Variants in MALRD1 observed in about 807,000 individuals in gnomAD.
MALRD1 encodes MAM and LDL-receptor class A domain-containing protein 1.
MALRD1 carries 247 observed loss-of-function variants against 242.1 expected under a neutral mutation model. The observed-to-expected ratio is 1.02, with a 90% CI of 0.92 to 1.13. The LOEUF (loss-of-function observed/expected upper bound fraction) is 1.13. Among genes scored for constraint, MALRD1 ranks in the 50% most tolerant of loss-of-function variants. MALRD1 has a pLI of 0.00. For missense variants in MALRD1, 2,989 were observed against 2,533.1 expected (o/e 1.18, Z -3.86); for synonymous variants, 995 against 866.6 (o/e 1.15, Z -2.60).
intron 7 of MALRD1, among the ~76,000 whole-genome samples, chr10:19,125,574 C>CATTTTT (rs1837259230): frequency 6.7e-6 from 1 of 149,272 alleles, no homozygotes; most frequent in Admixed American, 6.7e-5. Context: ...AGTATTGTTA[C>CATTTTT]ATTTTTATTT....
chr10:19,195,268 A>G (rs1836187003), intron 14 of MALRD1, among the ~76,000 whole-genome samples: 1 of 152,160 alleles, frequency 6.6e-6, no homozygotes, highest in African/African-American at 2.4e-5. Context: ...TCCTGAAAAC[A>G]TTTTATTCAC....
intron 28 of MALRD1, among the ~76,000 whole-genome samples, chr10:19,436,973 C>G (rs924590986): frequency 3.3e-5 from 5 of 152,088 alleles, no homozygotes; most frequent in African/African-American, 7.2e-5. Context: ...TTTATCATCT[C>G]TATACTTTTG....
At chr10:19,276,662 T>C (rs1358490594) in intron 19 of MALRD1, among the ~76,000 whole-genome samples, 1 of 152,198 alleles carries the variant, frequency 6.6e-6, no homozygotes, top group East Asian at 1.9e-4. Flanking sequence ...GATTCCCTTT[T>C]TAATTTTTTT....
At chr10:19,642,356 T>C (rs1840428365) in intron 36 of MALRD1, among the ~76,000 whole-genome samples, 1 of 152,078 alleles carries the variant, frequency 6.6e-6, no homozygotes, top group Non-Finnish European at 1.5e-5. Context: ...TTGAAACCCA[T>C]TCAGAGGTAC....
chr10:19,643,557 A>G (rs921079164), intron 36 of MALRD1, among the ~76,000 whole-genome samples: 1 of 152,244 alleles, frequency 6.6e-6, no homozygotes, highest in African/African-American at 2.4e-5. Context: ...ACATAATTTT[A>G]TAATAGACGC....
intron 19 of MALRD1, among the ~76,000 whole-genome samples, chr10:19,265,313 T>TG (rs1381855575): frequency 6.7e-6 from 1 of 149,350 alleles, no homozygotes; most frequent in African/African-American, 2.5e-5. Flanking sequence ...GATAGATTGC[T>TG]TATTTGAGTT....
intron 26 of MALRD1, among the ~76,000 whole-genome samples, chr10:19,377,158 C>G (rs1203286457): frequency 6.6e-6 from 1 of 152,166 alleles, no homozygotes; most frequent in Admixed American, 6.5e-5. Context: ...GATGTTCAAG[C>G]ACCTTAATTC....
At chr10:19,532,624 A>C (rs895205730) in intron 32 of MALRD1, among the ~76,000 whole-genome samples, 2 of 152,178 alleles carry the variant, frequency 1.3e-5, no homozygotes, top group Admixed American at 1.3e-4. Context: ...AGAAGTCAGA[A>C]GAGAAACATG....
intron 12 of MALRD1, among the ~76,000 whole-genome samples, chr10:19,156,721 A>C (rs1401294657): frequency 6.6e-6 from 1 of 152,310 alleles, no homozygotes; most frequent in East Asian, 1.9e-4. Context: ...TATGATTTTA[A>C]AAGGTAATCT....
At position 19,729,938 on chromosome 10, in the gene MALRD1, C is replaced by T. The variant is rs191316543; in HGVS notation, c.6315-768C>T. ...ATTTTCAGTAGAGACGGGGTTTCAC[C>T]GTGTTAGCCAGGATGGTCTCGATCT... On this transcript the variant is annotated intron_variant, in intron 38 of 39. Transcript: ENST00000454679. Among the ~76,000 whole-genome samples the T allele has an allele frequency of 2.4e-3, 368 of 151,414 alleles. 10 individuals are homozygous for T. The East Asian group carries it at 0.052, about 21-fold the overall frequency.
intron 2 of MALRD1, 59 bp from the exon 3 acceptor site, chr10:19,087,781 A>C: frequency 5.1e-6 from 4 of 791,346 alleles, no homozygotes; most frequent in East Asian, 3.4e-5. Flanking sequence ...GCTATCAAAT[A>C]GTAGGTCTTA....
intron 29 of MALRD1, among the ~76,000 whole-genome samples, chr10:19,453,204 G>A (rs888455860): frequency 1.3e-5 from 2 of 152,138 alleles, no homozygotes. Flanking sequence ...TGTTCTGCAT[G>A]TGAAATAACT....
At chr10:19,684,574 G>T (rs998988768) in intron 36 of MALRD1, among the ~76,000 whole-genome samples, 6 of 152,076 alleles carry the variant, frequency 3.9e-5, no homozygotes, top group African/African-American at 1.4e-4. Flanking sequence ...TGGTCAACAT[G>T]GCGAAACCCC....
chr10:19,170,715 G>A (rs1254138305), intron 13 of MALRD1, among the ~76,000 whole-genome samples: 1 of 152,034 alleles, frequency 6.6e-6, no homozygotes, highest in East Asian at 1.9e-4. Context: ...AGAGATGCAG[G>A]ATAGTATAAT....
At chr10:19,728,750 T>C (rs947752213) in intron 38 of MALRD1, among the ~76,000 whole-genome samples, 16 of 152,326 alleles carry the variant, frequency 1.1e-4, no homozygotes, top group Admixed American at 9.1e-4. Flanking sequence ...TTTCCTGCTT[T>C]GGTATTTTGA....
At chr10:19,333,455 T>G (rs964523324) in intron 24 of MALRD1, among the ~76,000 whole-genome samples, 1 of 152,178 alleles carries the variant, frequency 6.6e-6, no homozygotes, top group Admixed American at 6.5e-5. Context: ...CCTGTGTCCA[T>G]GTTGATGCAA....
At chr10:19,624,774 G>A (rs1231602789) in intron 36 of MALRD1, among the ~76,000 whole-genome samples, 1 of 151,182 alleles carries the variant, frequency 6.6e-6, no homozygotes, top group Non-Finnish European at 1.5e-5. Context: ...GCTAAGGCAG[G>A]AGAATCACCT....
At chr10:19,712,225 A>G (rs1834157551) in intron 38 of MALRD1, among the ~76,000 whole-genome samples, 1 of 152,228 alleles carries the variant, frequency 6.6e-6, no homozygotes, top group African/African-American at 2.4e-5. Flanking sequence ...AACGGTGAGC[A>G]ATTGACTAGG....
intron 2 of MALRD1, among the ~76,000 whole-genome samples, chr10:19,069,826 A>T (rs970283921): frequency 6.6e-6 from 1 of 151,746 alleles, no homozygotes; most frequent in Non-Finnish European, 1.5e-5. Flanking sequence ...TTTGGATTTC[A>T]GCACGAACAT....
Sources: allele counts gnomAD v4.1 joint callset (sites outside exome capture counted in the v4.1 genomes callset), GRCh38; gene constraint gnomAD v4.1.1; transcripts MANE v1.5; gene names NCBI Gene and HGNC (gene_info 2026-07-23, HGNC 2026-07-21).